Variants in ERCC6L2 observed in about 807,000 individuals in gnomAD.
The protein encoded by ERCC6L2 is ERCC excision repair 6 like 2.
A neutral mutation model predicts 132.0 loss-of-function variants in ERCC6L2; 77 were observed. The observed-to-expected ratio is 0.58, with a 90% CI of 0.49 to 0.71. The LOEUF (loss-of-function observed/expected upper bound fraction) is 0.71, where lower values mean the gene tolerates loss of function less well. Ranked by LOEUF, ERCC6L2 falls within the 30% of genes least tolerant of loss-of-function variation. The probability of loss-of-function intolerance (pLI) is 0.00; values close to 1 mark genes in which losing one functional copy is unlikely to be tolerated. For synonymous variants in ERCC6L2, 583 were observed against 632.4 expected, an observed-to-expected ratio of 0.92 and a Z score of 1.17; for missense variants, 1,542 against 1,837.6, an observed-to-expected ratio of 0.84 and a Z score of 2.94.
At chr9:96,026,662 AC>A (rs1390276818) in intron 19 of ERCC6L2, among the ~76,000 whole-genome samples, 5 of 143,872 alleles carry the variant, frequency 3.5e-5, no homozygotes, top group African/African-American at 7.7e-5. Context: ...ACACAAACAC[AC>A]CACACACAGC....
chr9:95,905,496 A>C (rs765091771), intron 3 of ERCC6L2, among the ~76,000 whole-genome samples: 3 of 152,218 alleles, frequency 2.0e-5, no homozygotes, highest in Non-Finnish European at 4.4e-5. Context: ...GCTCAGATGC[A>C]ATTTGCACCT....
chr9:95,986,778 C>T (rs558607638), intron 17 of ERCC6L2, among the ~76,000 whole-genome samples: 1 of 152,174 alleles, frequency 6.6e-6, no homozygotes, highest in East Asian at 1.9e-4. Flanking sequence ...ATTACAGGCA[C>T]AAGCCACCAT....
At chr9:95,914,588 G>A (rs989807355) in intron 4 of ERCC6L2, among the ~76,000 whole-genome samples, 2 of 152,064 alleles carry the variant, frequency 1.3e-5, no homozygotes, top group East Asian at 1.9e-4. Flanking sequence ...TTCTGACCTC[G>A]TGATCCACCC....
intron 14 of ERCC6L2, chr9:95,966,974 A>T (rs1285058410): frequency 3.7e-6 from 1 of 270,986 alleles, no homozygotes; most frequent in Middle Eastern, 1.0e-3. Context: ...GCAATTTTAA[A>T]TAGGCAGAGA....
chr9:95,969,798 C>G (rs771794485), intron 14 of ERCC6L2, among the ~76,000 whole-genome samples: 2 of 152,220 alleles, frequency 1.3e-5, no homozygotes, highest in African/African-American at 4.8e-5. Flanking sequence ...CCCTGGATAC[C>G]AGGTGGCTGG....
chr9:96,009,113 A>G (rs1281429809), intron 18 of ERCC6L2, among the ~76,000 whole-genome samples: 1 of 152,232 alleles, frequency 6.6e-6, no homozygotes, highest in African/African-American at 2.4e-5. Context: ...TGTGAAAGTG[A>G]CTGATACAGC....
chr9:95,883,760 A>AG (rs1827720785), intron 2 of ERCC6L2, among the ~76,000 whole-genome samples: 1 of 152,234 alleles, frequency 6.6e-6, no homozygotes, highest in Non-Finnish European at 1.5e-5. Flanking sequence ...TGGGAAGCCA[A>AG]GGCAGGAGAA....
chr9:95,938,189 C>T lies in ERCC6L2; in HGVS notation c.1752-3265C>T, dbSNP rs141480019. On this transcript the variant is annotated intron_variant, in intron 11 of 18. Coordinates refer to ENST00000653738, the MANE Select transcript of ERCC6L2 (RefSeq NM_020207.7). ...GACTCCATTATCGTTAGAGAACATA[C>T]TCAGTATAATACCATTATATTCAGT... Among the ~76,000 whole-genome samples, 587 of 151,942 alleles carry T rather than the reference C, an allele frequency of 3.9e-3. 5 individuals carry two copies. The highest frequency in any genetic ancestry group is 0.013 in the African/African-American group (549 of 41,440).
At chr9:95,977,950 A>C in intron 16 of ERCC6L2, 111 bp from the exon 17 acceptor site, 1 of 631,626 alleles carries the variant, frequency 1.6e-6, no homozygotes, top group Non-Finnish European at 2.2e-6. Flanking sequence ...CCTAAAGAAT[A>C]TTGTGATGTT....
At chr9:95,966,843 G>C (rs991732278) in intron 14 of ERCC6L2, 129 bp downstream of exon 14, 14 of 647,412 alleles carry the variant, frequency 2.2e-5, no homozygotes, top group Non-Finnish European at 2.6e-5. Context: ...AAATGCCTTG[G>C]AATTTTTACT....
intron 9 of ERCC6L2, among the ~76,000 whole-genome samples, chr9:95,926,316 C>T (rs557773464): frequency 4.6e-5 from 7 of 152,240 alleles, no homozygotes; most frequent in African/African-American, 1.7e-4. Context: ...GAGTTAGAAA[C>T]TTACATCCCG....
intron 4 of ERCC6L2, among the ~76,000 whole-genome samples, chr9:95,911,322 A>G (rs1300651813): frequency 6.6e-6 from 1 of 152,188 alleles, no homozygotes; most frequent in Non-Finnish European, 1.5e-5. Context: ...CTGTCCCCTT[A>G]GACTGTAAGC....
At chr9:95,954,266 TC>T (rs1226765503) in intron 12 of ERCC6L2, among the ~76,000 whole-genome samples, 3 of 152,284 alleles carry the variant, frequency 2.0e-5, no homozygotes, top group African/African-American at 7.2e-5. Flanking sequence ...CAGAAAAATT[TC>T]CCCCTTTTTT....
chr9:95,955,016 A>G (rs1025889562), intron 12 of ERCC6L2: 2 of 399,496 alleles, frequency 5.0e-6, no homozygotes, highest in South Asian at 1.9e-5. Context: ...TTTCAAGCAT[A>G]TAGGCAGTAT....
chr9:95,896,136 G>T (rs930956787), intron 2 of ERCC6L2, among the ~76,000 whole-genome samples: 7 of 151,924 alleles, frequency 4.6e-5, no homozygotes, highest in African/African-American at 1.7e-4. Context: ...CTGTGTCACC[G>T]ATCTTCTAAC....
intron 17 of ERCC6L2, among the ~76,000 whole-genome samples, chr9:95,979,244 G>C (rs1588015283): frequency 6.6e-6 from 1 of 152,262 alleles, no homozygotes; most frequent in East Asian, 1.9e-4. Context: ...AGTTTGGGTG[G>C]TCACAATGAC....
At chr9:95,983,971 G>GACAA (rs1322838349) in intron 17 of ERCC6L2, among the ~76,000 whole-genome samples, 1 of 151,838 alleles carries the variant, frequency 6.6e-6, no homozygotes, top group Admixed American at 6.6e-5. Context: ...TTTCCAATAT[G>GACAA]ACAAACCAGT....
chr9:95,969,382 T>C (rs1458163008), intron 14 of ERCC6L2, among the ~76,000 whole-genome samples: 1 of 152,120 alleles, frequency 6.6e-6, no homozygotes, highest in African/African-American at 2.4e-5. Context: ...AGCTGAGAGA[T>C]GATGTCGGCT....
chr9:95,923,838 T>G (rs1829985242), intron 9 of ERCC6L2, among the ~76,000 whole-genome samples: 1 of 152,190 alleles, frequency 6.6e-6, no homozygotes, highest in Non-Finnish European at 1.5e-5. Flanking sequence ...TGCATGTTGT[T>G]TTTACTTGCA....
Sources: allele counts gnomAD v4.1 joint callset (sites outside exome capture counted in the v4.1 genomes callset), GRCh38; gene constraint gnomAD v4.1.1; transcripts MANE v1.5; gene names NCBI Gene and HGNC (gene_info 2026-07-23, HGNC 2026-07-21).